The following SVEP1 variants were observed in gnomAD, a reference collection of about 807,000 sequenced individuals.
The protein encoded by SVEP1 is sushi, von Willebrand factor type A, EGF and pentraxin domain-containing protein 1.
A neutral mutation model predicts 367.3 loss-of-function variants in SVEP1; 164 were observed. The ratio of observed to expected loss-of-function variants is 0.45; its 90% confidence interval spans 0.39 to 0.51. The LOEUF is 0.51. Among genes scored for constraint, SVEP1 ranks in the 20% least tolerant of loss-of-function variants. SVEP1 has a pLI of 0.00. For synonymous variants in SVEP1, 1,666 were observed against 1,611.6 expected (o/e 1.03, Z -0.81); for missense variants, 4,117 against 4,425.3 (o/e 0.93, Z 1.98).
At chr9:110,379,577 C>A in intron 43 of SVEP1, 60 bp from the exon 44 acceptor site, 1 of 1,545,414 alleles carries the variant, frequency 6.5e-7, no homozygotes, top group South Asian at 1.2e-5. Context: ...AGAACACAGT[C>A]TCATCTCTCA....
chr9:110,390,217 GTATATATACTTA>G (rs1827620817), intron 40 of SVEP1, among the ~76,000 whole-genome samples: 1 of 63,678 alleles, frequency 1.6e-5, no homozygotes, highest in South Asian at 4.3e-4. Context: ...GTATATACTT[GTATATATACTTA>G]TATAAGTATG....
chr9:110,453,789 A>T (rs1828735350), intron 22 of SVEP1, among the ~76,000 whole-genome samples: 1 of 151,868 alleles, frequency 6.6e-6, no homozygotes, highest in Non-Finnish European at 1.5e-5. Context: ...GAATTGTTTG[A>T]ACTTGGGAGG....
intron 15 of SVEP1, 33 bp from the exon 16 acceptor site, chr9:110,471,630 A>T: frequency 6.6e-7 from 1 of 1,504,462 alleles, no homozygotes; most frequent in Non-Finnish European, 9.1e-7. Flanking sequence ...CACAACACAA[A>T]CACATGGTGT....
chr9:110,507,008 C>G (rs1233378188), intron 5 of SVEP1, among the ~76,000 whole-genome samples: 1 of 152,172 alleles, frequency 6.6e-6, no homozygotes, highest in East Asian at 1.9e-4. Context: ...AGAAGGCATG[C>G]ACATTCCATT....
At chr9:110,562,186 A>G (rs1830440146) in intron 1 of SVEP1, among the ~76,000 whole-genome samples, 1 of 151,946 alleles carries the variant, frequency 6.6e-6, no homozygotes, top group Non-Finnish European at 1.5e-5. Context: ...GACAAATTCC[A>G]CCATTTGGAA....
Position 110,481,442 on chromosome 9 carries a change from T to C in SVEP1, c.2171-6A>G, listed in dbSNP as rs760386309. Reference sequence around the variant, plus strand: ...TGGAATTTCACAGGGAGAACCTGTGTAAAAAAAATTGTACTATTCATATAT... The same window carrying C: ...TGGAATTTCACAGGGAGAACCTGTGCAAAAAAAATTGTACTATTCATATAT... On this transcript the variant is annotated splice_region_variant and splice_polypyrimidine_tract_variant and intron_variant, in intron 11 of 47. Coordinates refer to ENST00000374469, the MANE Select transcript of SVEP1 (RefSeq NM_153366.4). 1 of 1,551,826 alleles carries C rather than the reference T, an allele frequency of 6.4e-7. No individual in the cohort carries two copies. Among genetic ancestry groups the C allele is most frequent in the South Asian group, 1.2e-5 (1 of 80,920 alleles).
chr9:110,535,795 T>C (rs987343309), intron 3 of SVEP1, among the ~76,000 whole-genome samples: 3 of 151,516 alleles, frequency 2.0e-5, no homozygotes, highest in African/African-American at 7.3e-5. Context: ...ACATTCCTGG[T>C]TTTTTTGTAC....
In SVEP1 at chr9:110,407,660, G is replaced by A. The variant is rs762001339; in HGVS notation, c.7940C>T (p.Thr2647Ile). 1.2e-6 allele frequency: 2 copies of A among 1,613,874 alleles called. No individual in the cohort carries two copies. The highest frequency in any genetic ancestry group is 1.7e-5 in the Admixed American group (1 of 60,006). ...TCCCAAATGATAAGGAGGGTGAGGA[G>A]TCACATATGGAACTTCCATCATGTC... Reference protein sequence around the residue: ...EDDMMEVPYVTPHPPYHLGAV... With the variant: ...EDDMMEVPYVIPHPPYHLGAV... The change falls in exon 38 of 48, where the codon ACT (threonine) becomes ATT (isoleucine). Residue 2647 changes from threonine to isoleucine, a missense_variant. By Grantham distance (89) the Thr-to-Ile change is moderately conservative. Around this residue, in one of 4 missense-constraint regions of SVEP1, gnomAD observed 1,765 missense variants for 1,781.1 expected, o/e 0.99. Transcript: ENST00000374469.
At chr9:110,575,559 G>C (rs568414232) in intron 1 of SVEP1, among the ~76,000 whole-genome samples, 1 of 152,160 alleles carries the variant, frequency 6.6e-6, no homozygotes, top group South Asian at 2.1e-4. Flanking sequence ...CACACAGAGA[G>C]CATTTTTAGG....
intron 35 of SVEP1, among the ~76,000 whole-genome samples, chr9:110,428,902 T>A (rs1407945229): frequency 1.3e-5 from 2 of 152,076 alleles, no homozygotes; most frequent in Non-Finnish European, 2.9e-5. Flanking sequence ...GAAACCCACA[T>A]CTGTACAAAA....
Position 110,389,551 on chromosome 9 carries a change from A to G in SVEP1, c.9859T>C (p.Trp3287Arg). The G allele has an allele frequency of 6.2e-7, 1 of 1,613,636 alleles. No homozygotes were observed. The highest frequency in any genetic ancestry group is 8.5e-7 in the Non-Finnish European group (1 of 1,179,804). ...RERVCQENRQ[W>R]SGGVAICKET... The stretch of plus-strand genomic sequence containing the variant: ...TTGCATATTGCCACCCCTCCACTCC[A>G]CTGTCTGTTCTCCTGGCAGACACGT... Residue 3287 changes from tryptophan to arginine, a missense_variant, in exon 41 of 48, where the codon TGG becomes CGG. This residue lies in a region of SVEP1 where 1,765 missense variants were observed against 1,781.1 expected (regional missense o/e 0.99). Transcript: ENST00000374469.
chr9:110,475,249 A>T (rs1250523280), intron 14 of SVEP1, among the ~76,000 whole-genome samples: 1 of 152,192 alleles, frequency 6.6e-6, no homozygotes, highest in African/African-American at 2.4e-5. Flanking sequence ...TAGTATTCGA[A>T]ATGGAAAAGA....
chr9:110,476,989 G>A (rs1287318300), intron 13 of SVEP1, among the ~76,000 whole-genome samples: 4 of 151,962 alleles, frequency 2.6e-5, no homozygotes, highest in African/African-American at 7.3e-5. Context: ...TCCCCTCTGC[G>A]TCACTCCCTC....
intron 43 of SVEP1, among the ~76,000 whole-genome samples, chr9:110,382,068 C>T (rs1042700597): frequency 1.3e-5 from 2 of 151,980 alleles, no homozygotes; most frequent in Non-Finnish European, 2.9e-5. Flanking sequence ...GGGCATTTAG[C>T]TCATTTACAT....
intron 18 of SVEP1, among the ~76,000 whole-genome samples, chr9:110,461,764 GCA>G (rs1433780497): frequency 6.6e-6 from 1 of 152,070 alleles, no homozygotes; most frequent in African/African-American, 2.4e-5. Context: ...AGATTTTTAT[GCA>G]AATTTAGAAA....
rs767236376 is a variant in SVEP1 at position 110,483,608 on chromosome 9, C to T, written c.2016G>A (p.Glu672=). Residue 672 remains glutamate, a synonymous_variant, in exon 10 of 48, where the codon GAG becomes GAA. Transcript: ENST00000374469. Reference sequence around the variant, plus strand: ...CACCTGAGTTGTCTGAGAACTGAGGCTCATCCCAGCTTGCGGCATGTACCT... The same window carrying T: ...CACCTGAGTTGTCTGAGAACTGAGGTTCATCCCAGCTTGCGGCATGTACCT... ...SEKVHAASWD[E]PQFSDNSGAE... The T allele has an allele frequency of 2.5e-6, 4 of 1,612,400 alleles. No individual in the cohort carries two copies. The African/African-American group carries it at 4.0e-5, about 16-fold the overall frequency.
intron 1 of SVEP1, among the ~76,000 whole-genome samples, chr9:110,556,910 G>C (rs976384525): frequency 6.6e-6 from 1 of 152,106 alleles, no homozygotes; most frequent in Non-Finnish European, 1.5e-5. Context: ...TTCTCCAAGG[G>C]GCAGAAAATT....
At chr9:110,390,284 T>C (rs10980361) in intron 40 of SVEP1, among the ~76,000 whole-genome samples, 10,909 of 51,344 alleles carry the variant, frequency 0.21, 1,680 homozygotes, top group African/African-American at 0.33. Flanking sequence ...CTTATATATA[T>C]ACATACTTAT....
chr9:110,493,122 G>A (rs13283529), intron 8 of SVEP1, among the ~76,000 whole-genome samples: 7,751 of 152,100 alleles, frequency 0.051, 266 homozygotes, highest in Non-Finnish European at 0.066. Context: ...TTGAGAGGTT[G>A]TGGGATGTAT....
Sources: allele counts gnomAD v4.1 joint callset (sites outside exome capture counted in the v4.1 genomes callset), GRCh38; gene constraint gnomAD v4.1.1; regional missense constraint gnomAD v4.1.1; transcripts MANE v1.5; gene names NCBI Gene and HGNC (gene_info 2026-07-23, HGNC 2026-07-21).